The following SLC1A6 variants were observed in gnomAD, a reference collection of about 807,000 sequenced individuals.
SLC1A6 encodes the protein solute carrier family 1 member 6, also known as excitatory amino acid transporter 4.
Under a neutral mutation model 42.1 loss-of-function variants are expected in SLC1A6, and 15 were observed. The ratio of observed to expected loss-of-function variants is 0.36; its 90% confidence interval spans 0.24 to 0.55. SLC1A6 has a LOEUF of 0.55. Ranked by LOEUF, SLC1A6 falls within the 20% of genes least tolerant of loss-of-function variation. SLC1A6 has a pLI of 0.88. For synonymous variants in SLC1A6, 317 were observed against 319.7 expected (o/e 0.99, Z 0.09); for missense variants, 542 against 772.5 (o/e 0.70, Z 3.54).
At chr19:14,988,931 A>T (rs2045805441) in intron 1 of SLC1A6, among the ~76,000 whole-genome samples, 1 of 152,166 alleles carries the variant, frequency 6.6e-6, no homozygotes, top group South Asian at 2.1e-4. Flanking sequence ...AGGTGGGAGG[A>T]TCACTTGAAC....
At chr19:14,970,897 C>T (rs190409397) in intron 3 of SLC1A6, among the ~76,000 whole-genome samples, 3 of 152,022 alleles carry the variant, frequency 2.0e-5, no homozygotes, top group Admixed American at 6.5e-5. Context: ...TTTGGGAGGC[C>T]GAGGTGCGCA....
intron 1 of SLC1A6, chr19:14,973,494 G>A (rs8105884): frequency 0.72 from 109,674 of 152,264 alleles, 39,798 homozygotes; most frequent in African/African-American, 0.81. Context: ...CTGTTGCGAT[G>A]TGCCCGGTTC....
At chr19:14,958,695 C>A (rs920206476) in intron 6 of SLC1A6, among the ~76,000 whole-genome samples, 1 of 152,160 alleles carries the variant, frequency 6.6e-6, no homozygotes, top group Non-Finnish European at 1.5e-5. Context: ...TCATCCCCTG[C>A]AAAATTCCTC....
In SLC1A6 at chr19:14,950,209, C is replaced by T. The variant is rs753853502; in HGVS notation, c.1681G>A (p.Glu561Lys). ...KGASRGRGGN[E>K]SAM ...CTGGAGGCCCCTCACATAGCACTCT[C>T]GTTGCCTCCCCGTCCCCGGGATGCC... is the stretch of plus-strand genomic sequence containing the variant. The change falls in exon 10 of 10, where the codon GAG becomes AAG. Residue 561 changes from glutamate (E) to lysine (K), a missense_variant. Transcript: ENST00000594383. 1.8e-5 allele frequency: 28 copies of T among 1,575,686 alleles called. No homozygotes were observed. The highest frequency in any genetic ancestry group is 2.3e-5 in the East Asian group (1 of 43,740).
At chr19:14,956,151 A>G (rs886325889) in intron 7 of SLC1A6, among the ~76,000 whole-genome samples, 7 of 152,142 alleles carry the variant, frequency 4.6e-5, no homozygotes, top group Admixed American at 4.6e-4. Flanking sequence ...TCTCCCAGAC[A>G]CCATCTCACA....
At chr19:14,978,521 ACC>A in intron 1 of SLC1A6, among the ~76,000 whole-genome samples, 1 of 151,990 alleles carries the variant, frequency 6.6e-6, no homozygotes, top group South Asian at 2.1e-4. Flanking sequence ...CCACACACAC[ACC>A]CACACAAACC....
rs185322110 is a variant in SLC1A6 at position 14,964,634 on chromosome 19, G to A, written c.549-273C>T. Among the ~76,000 whole-genome samples, 5 of 152,288 alleles carry A rather than the reference G, an allele frequency of 3.3e-5. No homozygotes were observed. The East Asian group carries it at 9.7e-4, about 29-fold the overall frequency. On this transcript the variant is annotated intron_variant, in intron 4 of 9. Transcript: ENST00000594383. ...ACCCGGAGCCACAGAGCTGCTAAGA[G>A]GTGCAGATGGCCCTCAAATCCAGGT...
At chr19:14,986,189 A>C (rs563951533) in intron 1 of SLC1A6, among the ~76,000 whole-genome samples, 3 of 152,032 alleles carry the variant, frequency 2.0e-5, no homozygotes, top group Non-Finnish European at 2.9e-5. Context: ...TGCATCACAC[A>C]GAATATTAAA....
At chr19:14,976,377 C>T (rs1177820875) in intron 1 of SLC1A6, among the ~76,000 whole-genome samples, 1 of 152,110 alleles carries the variant, frequency 6.6e-6, no homozygotes, top group East Asian at 1.9e-4. Context: ...ATCACATTTT[C>T]TTGCTACATT....
chr19:14,967,811 C>G (rs1008163662), intron 4 of SLC1A6, among the ~76,000 whole-genome samples: 2 of 152,172 alleles, frequency 1.3e-5, no homozygotes, highest in African/African-American at 4.8e-5. Context: ...TTCCACCAGC[C>G]ATAACTACAG....
At chr19:15,001,468 G>A (rs959773190) in intron 1 of SLC1A6, among the ~76,000 whole-genome samples, 1 of 152,002 alleles carries the variant, frequency 6.6e-6, no homozygotes, top group Non-Finnish European at 1.5e-5. Context: ...GAATAAACAC[G>A]GATGGTGAGC....
intron 1 of SLC1A6, chr19:15,010,470 T>C: frequency 2.0e-6 from 1 of 512,246 alleles, no homozygotes; most frequent in East Asian, 5.2e-5. Context: ...AGCCTGGCCC[T>C]TCTTCCATGC....
chr19:14,993,409 C>T (rs548604238), intron 1 of SLC1A6, among the ~76,000 whole-genome samples: 2 of 152,012 alleles, frequency 1.3e-5, no homozygotes, highest in Non-Finnish European at 2.9e-5. Flanking sequence ...AGTCACTGAA[C>T]CGTCAACTTT....
At position 14,964,150 on chromosome 19, in the gene SLC1A6, C is replaced by G. The variant is rs915521758; in HGVS notation, c.591+169G>C. The G allele has an allele frequency of 7.7e-6, 5 of 648,404 alleles. No homozygotes were observed. The African/African-American group carries it at 9.0e-5, about 12-fold the overall frequency. 40.2% of individuals were successfully genotyped at this position (648,404 alleles called of 1,614,324 possible). A position where few individuals can be genotyped will look rare whatever the true frequency, so the allele number is the denominator to read the frequency against. On this transcript the variant is annotated intron_variant, in intron 5 of 9. Transcript: ENST00000594383. The stretch of plus-strand genomic sequence containing the variant: ...GGACCTAAGTGCTTCTCCCTAACCC[C>G]CCCAGATCACCATGGAAAATACATC...
At chr19:14,953,160 C>A in intron 8 of SLC1A6, 98 bp from the exon 9 acceptor site, 1 of 899,820 alleles carries the variant, frequency 1.1e-6, no homozygotes, top group Non-Finnish European at 1.7e-6. Context: ...ATCAGCTCCC[C>A]AAGGCATTTT....
Position 14,998,855 on chromosome 19 carries a change from CATTT to C in SLC1A6, c.6+11626_6+11629del, listed in dbSNP as rs56926151. Among the ~76,000 whole-genome samples, 557 of 128,210 alleles carry C rather than the reference CATTT, an allele frequency of 4.3e-3. 1 individual carries two copies. Among genetic ancestry groups the C allele is most frequent in the African/African-American group, 0.011 (407 of 35,890 alleles). 84.1% of individuals were successfully genotyped at this position (128,210 alleles called of 152,430 possible). ...GAACCTTTTTAAGTCTGATAAGAAACATTTATTTATTTATTTATTTATTTATTTA... is the reference window on the plus strand; with the variant it reads ...GAACCTTTTTAAGTCTGATAAGAAACATTTATTTATTTATTTATTTATTTA... On this transcript the variant is annotated intron_variant, in intron 1 of 8. Coordinates refer to the SLC1A6 transcript ENST00000430939.
At chr19:15,008,954 C>T (rs1448419181) in intron 1 of SLC1A6, among the ~76,000 whole-genome samples, 2 of 151,334 alleles carry the variant, frequency 1.3e-5, no homozygotes, top group South Asian at 4.2e-4. Flanking sequence ...CGAGATCATG[C>T]CACTGCACTT....
intron 1 of SLC1A6, among the ~76,000 whole-genome samples, chr19:14,990,224 T>C (rs1427636158): frequency 6.6e-6 from 1 of 151,932 alleles, no homozygotes; most frequent in Non-Finnish European, 1.5e-5. Context: ...TATGCAGTTG[T>C]AAGAAAAGAA....
Position 14,962,029 on chromosome 19 carries a change from A to AT in SLC1A6, c.907dup (p.Ile303AsnfsTer140). On this transcript the variant is annotated frameshift_variant, in exon 6 of 10. Transcript: ENST00000594383. LOFTEE classifies it high-confidence loss of function. ...GATAATGATGCCCACCAGCCTCATA[A>AT]TAGCCTCATTGAGGCTGTCGAAGAA... is the stretch of plus-strand genomic sequence containing the variant. 2 of 1,614,000 alleles carry AT rather than the reference A, an allele frequency of 1.2e-6. No individual in the cohort carries two copies. The highest frequency in any genetic ancestry group is 1.7e-6 in the Non-Finnish European group (2 of 1,179,886).
Sources: allele counts gnomAD v4.1 joint callset (sites outside exome capture counted in the v4.1 genomes callset), GRCh38; gene constraint gnomAD v4.1.1; transcripts MANE v1.5; gene names NCBI Gene and HGNC (gene_info 2026-07-23, HGNC 2026-07-21).